Variants in GFI1B observed in about 807,000 individuals in gnomAD.
The protein encoded by GFI1B is growth factor independent 1B transcriptional repressor, also known as zinc finger protein Gfi-1b.
GFI1B carries 20 observed loss-of-function variants against 35.3 expected under a neutral mutation model. The ratio of observed to expected loss-of-function variants is 0.57; its 90% CI spans 0.40 to 0.82. The LOEUF (loss-of-function observed/expected upper bound fraction) is 0.82. Among genes scored for constraint, GFI1B ranks in the 40% least tolerant of loss-of-function variants. The pLI, the probability that GFI1B is intolerant of heterozygous loss-of-function variation, is 0.00. For synonymous variants in GFI1B, 178 were observed against 177.6 expected (o/e 1.00, Z -0.02); for missense variants, 430 against 446.3 (o/e 0.96, Z 0.33).
chr9:132,945,967 G>T (rs1215045373), intron 1 of GFI1B, among the ~76,000 whole-genome samples: 1 of 152,186 alleles, frequency 6.6e-6, no homozygotes, highest in East Asian at 1.9e-4. Flanking sequence ...CACCGTGGGT[G>T]CCTTCAGAAT....
intron 2 of GFI1B, among the ~76,000 whole-genome samples, chr9:132,973,684 G>C (rs1343163781): frequency 1.3e-5 from 2 of 152,182 alleles, no homozygotes; most frequent in East Asian, 1.9e-4. Context: ...AACCATTCCA[G>C]ACAAGGGGAA....
chr9:132,960,135 G>C (rs1848341816), intron 1 of GFI1B, among the ~76,000 whole-genome samples: 1 of 152,170 alleles, frequency 6.6e-6, no homozygotes, highest in African/African-American at 2.4e-5. Flanking sequence ...GGAGAAAGAC[G>C]TCAAAATTAG....
At chr9:132,947,821 A>C (rs1200370099) in intron 1 of GFI1B, among the ~76,000 whole-genome samples, 1 of 93,624 alleles carries the variant, frequency 1.1e-5, no homozygotes, top group African/African-American at 4.1e-5. Context: ...AAAAAAAAAA[A>C]AAAAAAAAAC....
At chr9:132,957,763 G>T (rs990095851) in intron 1 of GFI1B, among the ~76,000 whole-genome samples, 11 of 152,096 alleles carry the variant, frequency 7.2e-5, no homozygotes, top group African/African-American at 2.2e-4. Flanking sequence ...GCAGGAACAC[G>T]TGTAATAATA....
chr9:132,970,309 T>A (rs1293487419), intron 1 of GFI1B, among the ~76,000 whole-genome samples: 1 of 152,148 alleles, frequency 6.6e-6, no homozygotes, highest in East Asian at 1.9e-4. Context: ...CTCCTCTGTT[T>A]GCTGAACCTG....
At chr9:132,988,527 T>C in intron 4 of GFI1B, 59 bp downstream of exon 4, 2 of 1,499,856 alleles carry the variant, frequency 1.3e-6, no homozygotes, top group Non-Finnish European at 1.8e-6. Context: ...CCCTCTCAAC[T>C]CACTGGCAGC....
intron 1 of GFI1B, among the ~76,000 whole-genome samples, chr9:132,967,453 G>A (rs1034911825): frequency 2.0e-5 from 3 of 152,100 alleles, no homozygotes; most frequent in Non-Finnish European, 2.9e-5. Context: ...GGGGCAGGGG[G>A]TGCTCTTCCA....
intron 6 of GFI1B, among the ~76,000 whole-genome samples, chr9:132,990,666 T>C (rs1401171714): frequency 6.6e-6 from 1 of 152,262 alleles, no homozygotes; most frequent in African/African-American, 2.4e-5. Context: ...AACCACCCTA[T>C]AATCCAGTAG....
In GFI1B at chr9:132,988,251, C is replaced by A. The variant is rs143926538; in HGVS notation, c.293C>A (p.Ser98Ter). ...GATGGGGACTCTCCACTGTCCGACT[C>A]ACCCCCATTCTACAAGCCTAGCTTC... ...PQDGDSPLSD[S>*]PPFYKPSFSW... is the part of the protein sequence containing the mutation. The change falls in exon 4 of 7, where the codon TCA becomes TAA. Residue 98 changes from serine (S) to a stop codon, truncating the protein, a stop_gained. Coordinates refer to ENST00000372122, the MANE Select transcript of GFI1B (RefSeq NM_001377304.1). LOFTEE classifies it high-confidence loss of function. 1.2e-6 allele frequency: 2 copies of A among 1,613,818 alleles called. No individual in the cohort carries two copies. Among genetic ancestry groups the A allele is most frequent in the Non-Finnish European group, 8.5e-7 (1 of 1,179,764 alleles).
chr9:132,989,622 G>C lies in GFI1B; in HGVS notation c.649-120G>C. 1.4e-6 allele frequency: 1 copy of C among 714,948 alleles called. No homozygotes were observed. Among genetic ancestry groups the C allele is most frequent in the Admixed American group, 2.4e-5 (1 of 42,236 alleles). The allele number at this position is 714,948 out of a possible 1,614,324, so 44.3% of individuals were successfully genotyped here. ...TTTCACCTCAGAGGCAGAGATGAGGGGTCCCCCGGTCCTGCTCCTCCAGGC... is the reference window on the plus strand; with the variant it reads ...TTTCACCTCAGAGGCAGAGATGAGGCGTCCCCCGGTCCTGCTCCTCCAGGC... On this transcript the variant is annotated intron_variant, in intron 5 of 6. Coordinates refer to ENST00000372122, the MANE Select transcript of GFI1B (RefSeq NM_001377304.1). The surrounding 1 kb of genome is among the most constrained non-coding windows in gnomAD (Gnocchi z 6.2).
intron 1 of GFI1B, chr9:132,947,353 TCATGGAGCTTGTTAAAAGAAAGCTTAAGA>T (rs1848129940): frequency 1.4e-5 from 2 of 145,880 alleles, no homozygotes; most frequent in Admixed American, 7.0e-5. Context: ...GAGATGCCCA[TCATGGAGCTTGTTAAAAGAAAGCTTAAGA>T]CAAGTTCAAT....
intron 1 of GFI1B, chr9:132,946,874 T>G (rs1848116662): frequency 6.6e-6 from 1 of 152,402 alleles, no homozygotes; most frequent in Admixed American, 6.5e-5. Context: ...ACATTGTCAC[T>G]GTTTCTACAC....
rs745670434 is a variant in GFI1B, at chr9:132,989,829, C to T, written c.736C>T (p.Arg246Trp). 1.9e-6 allele frequency: 3 copies of T among 1,614,148 alleles called. No homozygotes were observed. Among genetic ancestry groups the T allele is most frequent in the African/African-American group, 1.3e-5 (1 of 75,068 alleles). The change falls in exon 6 of 7, where the codon CGG becomes TGG. Residue 246 changes from arginine to tryptophan, a missense_variant. By Grantham distance (101) the Arg-to-Trp change is moderately radical. Coordinates refer to ENST00000372122, the MANE Select transcript of GFI1B (RefSeq NM_001377304.1). This position sits in a 1 kb window ranked among gnomAD's most constrained non-coding sequence, Gnocchi z 6.2. ...CCACCTGCTCATCCACTCAGACACG[C>T]GGCCCTACCCCTGCCAGTTCTGCGG... ...STHLLIHSDT[R>W]PYPCQFCGKR...
chr9:132,949,159 C>G (rs1425091874), intron 1 of GFI1B, among the ~76,000 whole-genome samples: 2 of 152,120 alleles, frequency 1.3e-5, no homozygotes, highest in African/African-American at 4.8e-5. Context: ...TTAATTATCC[C>G]TTGGAGGGTG....
intron 1 of GFI1B, among the ~76,000 whole-genome samples, chr9:132,967,328 T>C (rs1848464450): frequency 6.6e-6 from 1 of 152,068 alleles, no homozygotes. Flanking sequence ...ACACAGCAGG[T>C]GGAGGAAGAG....
chr9:132,964,022 C>A (rs1848410922), intron 1 of GFI1B, among the ~76,000 whole-genome samples: 1 of 152,144 alleles, frequency 6.6e-6, no homozygotes, highest in Non-Finnish European at 1.5e-5. Flanking sequence ...GGGAAGATCA[C>A]CTGAGGTCAG....
At chr9:132,950,747 A>G (rs1249650606) in intron 1 of GFI1B, among the ~76,000 whole-genome samples, 1 of 134,254 alleles carries the variant, frequency 7.4e-6, no homozygotes, top group Non-Finnish European at 1.6e-5. Flanking sequence ...GGTTTTTGAG[A>G]TTTTGTTTAA....
At chr9:132,969,006 A>G (rs1848491964) in intron 1 of GFI1B, among the ~76,000 whole-genome samples, 2 of 151,704 alleles carry the variant, frequency 1.3e-5, no homozygotes, top group African/African-American at 2.4e-5. Flanking sequence ...GGCAACCACC[A>G]TTCCACTTCC....
At chr9:132,979,015 C>T (rs780188919) in intron 1 of GFI1B, among the ~76,000 whole-genome samples, 174 bp downstream of exon 1, 1 of 152,336 alleles carries the variant, frequency 6.6e-6, no homozygotes, top group African/African-American at 2.4e-5. Flanking sequence ...GACGTAGCCT[C>T]GTCTGAGCCA....
Sources: gnomAD v4.1 joint callset for allele counts (sites outside exome capture counted in the v4.1 genomes callset) on GRCh38, gnomAD v4.1.1 for gene constraint, Gnocchi (gnomAD v3.1) non-coding constraint, MANE v1.5 for transcripts, NCBI Gene and HGNC (gene_info 2026-07-23, HGNC 2026-07-21) for gene names.